Variants in BMERB1 observed in about 807,000 individuals in gnomAD.
BMERB1 encodes bMERB domain-containing protein 1.
Under a neutral mutation model 23.6 loss-of-function variants are expected in BMERB1, and 12 were observed. The ratio of observed to expected loss-of-function variants is 0.51; its 90% CI spans 0.33 to 0.82. The LOEUF (loss-of-function observed/expected upper bound fraction) is 0.82, where lower values mean the gene tolerates loss of function less well. Among genes scored for constraint, BMERB1 ranks in the 40% least tolerant of loss-of-function variants. BMERB1 has a pLI of 0.03. For synonymous variants in BMERB1, 122 were observed against 96.6 expected, an observed-to-expected ratio of 1.26 and a Z score of -1.54; for missense variants, 247 against 255.4, an observed-to-expected ratio of 0.97 and a Z score of 0.22.
chr16:15,586,532 T>C (rs1024089869), intron 5 of BMERB1, among the ~76,000 whole-genome samples, 185 bp from the exon 6 acceptor site: 13 of 151,070 alleles, frequency 8.6e-5, no homozygotes, highest in Non-Finnish European at 1.6e-4. Context: ...GACTATAAAA[T>C]GAGGACCAGC....
intron 1 of BMERB1, among the ~76,000 whole-genome samples, chr16:15,454,959 A>G (rs2051071806): frequency 1.3e-5 from 2 of 152,164 alleles, no homozygotes; most frequent in Admixed American, 6.6e-5. Flanking sequence ...ATACTTTGTG[A>G]GAAATCACAC....
chr16:15,559,550 T>G (rs568957719), intron 2 of BMERB1, among the ~76,000 whole-genome samples: 2 of 152,356 alleles, frequency 1.3e-5, no homozygotes, highest in Non-Finnish European at 2.9e-5. Flanking sequence ...TTTCTCTTCC[T>G]GGACTGCTGT....
intron 2 of BMERB1, among the ~76,000 whole-genome samples, chr16:15,566,134 T>C (rs1254378314): frequency 2.6e-5 from 4 of 152,190 alleles, no homozygotes; most frequent in African/African-American, 7.2e-5. Flanking sequence ...TGAATCTCAT[T>C]TGTGAAATTG....
At chr16:15,478,961 A>G (rs1716500627) in intron 1 of BMERB1, among the ~76,000 whole-genome samples, 1 of 152,244 alleles carries the variant, frequency 6.6e-6, no homozygotes, top group South Asian at 2.1e-4. Context: ...GCACTTATGC[A>G]GTGGCTGGAA....
chr16:15,505,583 A>G (rs1567472710), intron 1 of BMERB1, among the ~76,000 whole-genome samples: 1 of 152,058 alleles, frequency 6.6e-6, no homozygotes, highest in Non-Finnish European at 1.5e-5. Flanking sequence ...TCCGTTAGGG[A>G]GTTTGAGTAA....
intron 1 of BMERB1, among the ~76,000 whole-genome samples, chr16:15,481,736 T>C (rs1157137656): frequency 6.6e-6 from 1 of 151,732 alleles, no homozygotes; most frequent in African/African-American, 2.4e-5. Context: ...TCTTTTTTTT[T>C]TTTGAGATGG....
chr16:15,511,708 T>C (rs1382638197), intron 1 of BMERB1, among the ~76,000 whole-genome samples: 7 of 152,064 alleles, frequency 4.6e-5, no homozygotes, highest in Admixed American at 1.3e-4. Flanking sequence ...TTACTGTTTC[T>C]CTTGAAAACT....
At chr16:15,574,229 GCTCA>G (rs2030803641) in intron 3 of BMERB1, among the ~76,000 whole-genome samples, 1 of 152,090 alleles carries the variant, frequency 6.6e-6, no homozygotes, top group South Asian at 2.1e-4. Context: ...ATGGGAACTC[GCTCA>G]CTATCACGAG....
chr16:15,553,345 T>C (rs2030151738), intron 2 of BMERB1, among the ~76,000 whole-genome samples: 1 of 152,216 alleles, frequency 6.6e-6, no homozygotes, highest in Non-Finnish European at 1.5e-5. Context: ...CGTGGTGGCA[T>C]GCGCCTGTAG....
chr16:15,515,290 C>T lies in BMERB1; in HGVS notation c.107-15C>T, dbSNP rs769906026. ...CTTGGGGTCCTGATGGTTGTATTTC[C>T]TGTCTCCTGCACAGATCAGCTGGAC... On this transcript the variant is annotated splice_polypyrimidine_tract_variant and intron_variant, in intron 1 of 5. Transcript: ENST00000300006. The T allele has an allele frequency of 2.5e-5, 41 of 1,612,674 alleles. No homozygotes were observed. The highest frequency in any genetic ancestry group is 3.5e-5 in the Non-Finnish European group (41 of 1,179,874).
chr16:15,512,385 C>A (rs2051679291), intron 1 of BMERB1, among the ~76,000 whole-genome samples: 1 of 152,194 alleles, frequency 6.6e-6, no homozygotes, highest in South Asian at 2.1e-4. Flanking sequence ...GCGCCCTAAA[C>A]CCTGTGCACG....
chr16:15,504,950 C>G (rs1241785878), intron 1 of BMERB1, among the ~76,000 whole-genome samples: 2 of 151,984 alleles, frequency 1.3e-5, no homozygotes, highest in Non-Finnish European at 2.9e-5. Context: ...CACCCCCACC[C>G]CCAGCCCTTC....
rs141292848 is a variant in BMERB1 at position 15,492,970 on chromosome 16, C to T, written c.107-22335C>T. Among the ~76,000 whole-genome samples, 554 of 151,986 alleles carry T rather than the reference C, an allele frequency of 3.6e-3. 1 individual carries two copies. The highest frequency in any genetic ancestry group is 6.6e-3 in the Non-Finnish European group (450 of 67,964). On this transcript the variant is annotated intron_variant, in intron 1 of 5. Coordinates refer to ENST00000300006, the MANE Select transcript of BMERB1 (RefSeq NM_033201.3). ...TGATGAGAATGGTGACTTACCTCTG[C>T]AGTCTTCTCTCCAAACTCACAACTT... is the stretch of plus-strand genomic sequence containing the variant.
At chr16:15,530,548 A>G (rs1884279390) in intron 2 of BMERB1, among the ~76,000 whole-genome samples, 1 of 152,192 alleles carries the variant, frequency 6.6e-6, no homozygotes, top group Non-Finnish European at 1.5e-5. Flanking sequence ...AGCTGGGACC[A>G]CAGGCACGTG....
chr16:15,554,859 G>A (rs978810428), intron 2 of BMERB1, among the ~76,000 whole-genome samples: 1 of 151,824 alleles, frequency 6.6e-6, no homozygotes, highest in Non-Finnish European at 1.5e-5. Flanking sequence ...GTAGAGACAG[G>A]GTTTCACCGT....
chr16:15,578,592 C>T lies in BMERB1; in HGVS notation c.305-2625C>T, dbSNP rs564182369. 5.3e-5 allele frequency among the ~76,000 whole-genome samples: 8 copies of T among 152,034 alleles called. No individual in the cohort carries two copies. In the East Asian group the frequency reaches 5.8e-4, roughly 11 times the overall value. On this transcript the variant is annotated intron_variant, in intron 3 of 5. Coordinates refer to ENST00000300006, the MANE Select transcript of BMERB1 (RefSeq NM_033201.3). ...TTAGTCTCTGTGGCTTGCTCTAGAC[C>T]GGGGGCTTGTAAACAACATTTATTA...
intron 1 of BMERB1, 149 bp downstream of exon 1, chr16:15,434,908 C>G (rs1404423002): frequency 3.0e-6 from 2 of 669,096 alleles, no homozygotes; most frequent in African/African-American, 1.9e-5. Flanking sequence ...ATACGCAGCT[C>G]TGCGCAGCGA....
chr16:15,527,623 A>T (rs1466942385), intron 2 of BMERB1, among the ~76,000 whole-genome samples: 1 of 152,200 alleles, frequency 6.6e-6, no homozygotes, highest in East Asian at 1.9e-4. Context: ...AAATAAAAAA[A>T]AAAGAAGTGG....
At chr16:15,487,550 C>T (rs748909652) in intron 1 of BMERB1, among the ~76,000 whole-genome samples, 98 of 151,890 alleles carry the variant, frequency 6.5e-4, no homozygotes, top group Middle Eastern at 3.2e-3. Flanking sequence ...GAACTCAAGG[C>T]GAATCCATAG....
Sources: gnomAD v4.1 joint callset for allele counts (sites outside exome capture counted in the v4.1 genomes callset) on GRCh38, gnomAD v4.1.1 for gene constraint, MANE v1.5 for transcripts, NCBI Gene and HGNC (gene_info 2026-07-23, HGNC 2026-07-21) for gene names.